LATS1: variants seen among roughly 807,000 people sequenced by gnomAD.
LATS1 encodes large tumor suppressor kinase 1.
LATS1 carries 25 observed loss-of-function variants against 106.6 expected under a neutral mutation model. The observed-to-expected ratio is 0.23, with a 90% CI of 0.17 to 0.33. The LOEUF is 0.33. LATS1 is among the 10% of genes least tolerant of loss of function. The probability of loss-of-function intolerance (pLI) is 1.00; values close to 1 mark genes in which losing one functional copy is unlikely to be tolerated. For missense variants in LATS1, 1,040 were observed against 1,382.6 expected, an observed-to-expected ratio of 0.75 and a Z score of 3.93; for synonymous variants, 465 against 455.6, an observed-to-expected ratio of 1.02 and a Z score of -0.26.
At chr6:149,662,860 G>T (rs944683808) in intron 7 of LATS1, among the ~76,000 whole-genome samples, 1 of 151,614 alleles carries the variant, frequency 6.6e-6, no homozygotes, top group Admixed American at 6.6e-5. Flanking sequence ...TAGCTACTCA[G>T]GAGGTTGAAG....
chr6:149,692,163 T>C (rs62439846), intron 3 of LATS1, among the ~76,000 whole-genome samples: 1 of 152,192 alleles, frequency 6.6e-6, no homozygotes, highest in African/African-American at 2.4e-5. Context: ...AACACTTCTA[T>C]ACCTTTCTGC....
rs890897949 is a variant in LATS1 at position 149,661,221 on chromosome 6, G to A, written c.*508C>T. The A allele has an allele frequency of 8.7e-6, 2 of 230,420 alleles. No individual in the cohort carries two copies. Among genetic ancestry groups the A allele is most frequent in the African/African-American group, 4.4e-5 (2 of 45,102 alleles). The allele number at this position is 230,420 out of a possible 1,614,324, so 14.3% of individuals were successfully genotyped here. On this transcript the variant is annotated 3_prime_UTR_variant, in exon 8 of 8. Transcript: ENST00000543571. The stretch of plus-strand genomic sequence containing the variant: ...ATGTGAATTATACAGATTATCATTA[G>A]CCTAGGAACACTCACCAACACGATG...
Position 149,678,164 on chromosome 6 carries a change from C to CAAAAAAAAAAAAAAAAAAAAAA in LATS1, c.2594-1449_2594-1428dup, listed in dbSNP as rs56884854. On this transcript the variant is annotated intron_variant, in intron 5 of 7. Transcript: ENST00000543571. ...TGAAACCTGGTCTCTACTAAAAATCCAAAAAAAAAAAAAAAAAAAAAAAAA... is the reference window on the plus strand; with the variant it reads ...TGAAACCTGGTCTCTACTAAAAATCCAAAAAAAAAAAAAAAAAAAAAAAAAAAAAAAAAAAAAAAAAAAAAAA... Among the ~76,000 whole-genome samples the CAAAAAAAAAAAAAAAAAAAAAA allele has an allele frequency of 1.6e-4, 7 of 43,508 alleles. 3 individuals carry two copies. The highest frequency in any genetic ancestry group is 1.3e-4 in the Non-Finnish European group (3 of 23,986). The allele number at this position is 43,508 out of a possible 152,430, so 28.5% of individuals were successfully genotyped here. A position where few individuals can be genotyped will look rare whatever the true frequency, so the allele number is the denominator to read the frequency against.
chr6:149,681,325 T>C (rs1447581731), intron 4 of LATS1, among the ~76,000 whole-genome samples: 1 of 152,164 alleles, frequency 6.6e-6, no homozygotes, highest in Admixed American at 6.5e-5. Context: ...AAAAGTGGGG[T>C]CTAATTCTAG....
At chr6:149,689,321 G>A (rs1458728018) in intron 3 of LATS1, among the ~76,000 whole-genome samples, 1 of 151,640 alleles carries the variant, frequency 6.6e-6, no homozygotes, top group Non-Finnish European at 1.5e-5. Flanking sequence ...CAAGGAATTT[G>A]GAAGAATAAG....
intron 1 of LATS1, among the ~76,000 whole-genome samples, chr6:149,711,020 A>G (rs1784056093): frequency 6.6e-6 from 1 of 152,196 alleles, no homozygotes; most frequent in South Asian, 2.1e-4. Context: ...CCCCTTAGCT[A>G]ACTAGTGCTT....
intron 7 of LATS1, among the ~76,000 whole-genome samples, chr6:149,670,934 A>T (rs1049675286): frequency 6.6e-6 from 1 of 150,614 alleles, no homozygotes; most frequent in African/African-American, 2.5e-5. Flanking sequence ...GTTTTGATGA[A>T]TTTTTTTTTC....
intron 1 of LATS1, among the ~76,000 whole-genome samples, chr6:149,717,448 C>T (rs1288421213): frequency 2.6e-5 from 4 of 152,230 alleles, no homozygotes; most frequent in Admixed American, 6.5e-5. Context: ...GATCAAGGCC[C>T]TCTGGGATCC....
intron 2 of LATS1, among the ~76,000 whole-genome samples, chr6:149,699,482 A>AT (rs1027031965): frequency 2.6e-5 from 4 of 152,218 alleles, no homozygotes; most frequent in East Asian, 3.9e-4. Context: ...AATAAAAAAA[A>AT]AAAATAAAAT....
At position 149,701,986 on chromosome 6, in the gene LATS1, A is replaced by G; in HGVS notation, c.141T>C (p.Ala47=). Residue 47 remains alanine (A), a synonymous_variant, in exon 2 of 8, where the codon GCT becomes GCC. Coordinates refer to ENST00000543571, the MANE Select transcript of LATS1 (RefSeq NM_004690.4). ...TACTCATGTTATGCTCAGCCTTAGC[A>G]GCATCAGATGGTTTAGATAAATTCC... The part of the protein sequence containing the change: ...SLRNLSKPSD[A]AKAEHNMSKM... The G allele has an allele frequency of 6.2e-7, 1 of 1,614,206 alleles. No individual in the cohort carries two copies. Among genetic ancestry groups the G allele is most frequent in the Non-Finnish European group, 8.5e-7 (1 of 1,180,034 alleles).
chr6:149,699,618 T>C (rs373560516), intron 2 of LATS1, among the ~76,000 whole-genome samples: 2 of 152,294 alleles, frequency 1.3e-5, no homozygotes, highest in South Asian at 2.1e-4. Context: ...ATTTGTGTAG[T>C]AGCACTTCAA....
chr6:149,706,045 T>C (rs1424047019), intron 1 of LATS1, among the ~76,000 whole-genome samples: 1 of 151,044 alleles, frequency 6.6e-6, no homozygotes, highest in African/African-American at 2.4e-5. Context: ...TAGCTGGGTG[T>C]GGTGGCACAT....
intron 1 of LATS1, among the ~76,000 whole-genome samples, chr6:149,713,915 C>T (rs1335632151): frequency 1.3e-5 from 2 of 152,020 alleles, no homozygotes; most frequent in African/African-American, 4.8e-5. Flanking sequence ...CTGCCTCGGC[C>T]TCCCGAAGTG....
chr6:149,661,454 A>C lies in LATS1; in HGVS notation c.*275T>G, dbSNP rs1780880073. 3.1e-6 allele frequency: 1 copy of C among 321,552 alleles called. No individual in the cohort carries two copies. The highest frequency in any genetic ancestry group is 5.6e-6 in the Non-Finnish European group (1 of 177,402). The allele number at this position is 321,552 out of a possible 1,614,324, so 19.9% of individuals were successfully genotyped here. ...GGTTTCTCCTTTTAAACAAAGCACT[A>C]CTTATTTTAAGTACTTTAAGTACCA... On this transcript the variant is annotated 3_prime_UTR_variant, in exon 8 of 8. Coordinates refer to ENST00000543571, the MANE Select transcript of LATS1 (RefSeq NM_004690.4).
chr6:149,717,236 T>A (rs895076390), intron 1 of LATS1, among the ~76,000 whole-genome samples: 3 of 152,196 alleles, frequency 2.0e-5, no homozygotes, highest in African/African-American at 7.2e-5. Context: ...ATCTGAGGCA[T>A]TCATTGAGCT....
intron 1 of LATS1, among the ~76,000 whole-genome samples, chr6:149,703,553 C>T (rs1347866329): frequency 1.3e-5 from 2 of 152,024 alleles, no homozygotes; most frequent in Non-Finnish European, 2.9e-5. Context: ...AAAGCAGCAA[C>T]AAAAAATGAG....
intron 7 of LATS1, among the ~76,000 whole-genome samples, chr6:149,666,413 C>T (rs1303026039): frequency 1.3e-5 from 2 of 150,552 alleles, no homozygotes; most frequent in African/African-American, 2.4e-5. Context: ...GTCAGGAGTT[C>T]GAGATCAGCC....
chr6:149,668,279 GA>G (rs1460313280), intron 7 of LATS1, among the ~76,000 whole-genome samples: 3 of 151,978 alleles, frequency 2.0e-5, no homozygotes, highest in Non-Finnish European at 4.4e-5. Flanking sequence ...GAGAAATTAA[GA>G]GACTCTGTTG....
intron 4 of LATS1, among the ~76,000 whole-genome samples, chr6:149,682,693 C>T (rs138662732): frequency 8.7e-4 from 132 of 152,136 alleles, no homozygotes; most frequent in Admixed American, 2.1e-3. Flanking sequence ...TGATTACAGG[C>T]GTGAGCCCCC....
Sources: allele counts gnomAD v4.1 joint callset (sites outside exome capture counted in the v4.1 genomes callset), GRCh38; gene constraint gnomAD v4.1.1; transcripts MANE v1.5; gene names NCBI Gene and HGNC (gene_info 2026-07-23, HGNC 2026-07-21).